Variants in NALF1 observed in about 807,000 individuals in gnomAD.
NALF1 encodes NALCN channel auxiliary factor 1.
A neutral mutation model predicts 48.4 loss-of-function variants in NALF1; 3 were observed. The ratio of observed to expected loss-of-function variants is 0.06; its 90% confidence interval spans 0.03 to 0.16. NALF1 has a LOEUF of 0.16. NALF1 is among the 10% of genes least tolerant of loss of function. The probability of loss-of-function intolerance (pLI) is 1.00; values close to 1 mark genes in which losing one functional copy is unlikely to be tolerated. For missense variants in NALF1, 526 were observed against 571.5 expected (o/e 0.92, Z 0.81); for synonymous variants, 262 against 245.7 (o/e 1.07, Z -0.62).
chr13:107,586,649 T>TTTTTTTTTTTTTTTTTTTTTTTTTTTTTA (rs1878467473), intron 1 of NALF1, among the ~76,000 whole-genome samples: 1 of 146,864 alleles, frequency 6.8e-6, no homozygotes, highest in Non-Finnish European at 1.5e-5. Flanking sequence ...TTTTTTTTTT[T>TTTTTTTTTTTTTTTTTTTTTTTTTTTTTA]GCTAGGAATG....
At chr13:107,313,095 G>GA (rs1396349732) in intron 1 of NALF1, among the ~76,000 whole-genome samples, 2 of 151,952 alleles carry the variant, frequency 1.3e-5, no homozygotes, top group Admixed American at 6.6e-5. Context: ...ATACTTGGAA[G>GA]ATAAAATGGA....
At chr13:107,631,485 A>G (rs1879833553) in intron 1 of NALF1, among the ~76,000 whole-genome samples, 1 of 152,218 alleles carries the variant, frequency 6.6e-6, no homozygotes, top group South Asian at 2.1e-4. Context: ...TCGTTGAATT[A>G]TGAGAAAATT....
intron 1 of NALF1, among the ~76,000 whole-genome samples, chr13:107,717,242 G>A (rs1875849311): frequency 1.3e-5 from 2 of 152,202 alleles, no homozygotes; most frequent in Admixed American, 6.5e-5. Context: ...TTCAGTATTT[G>A]AAGCAGTCTG....
At position 107,494,924 on chromosome 13, in the gene NALF1, T is replaced by C. The variant is rs78330705; in HGVS notation, c.916-284169A>G. ...GTGAAGAACAGAATGTAAAAGCACATATGGAAACTAAGTCTCACGAGTAGA... is the reference window on the plus strand; with the variant it reads ...GTGAAGAACAGAATGTAAAAGCACACATGGAAACTAAGTCTCACGAGTAGA... On this transcript the variant is annotated intron_variant, in intron 1 of 2. Coordinates refer to ENST00000375915, the MANE Select transcript of NALF1 (RefSeq NM_001080396.3). Among the ~76,000 whole-genome samples the C allele has an allele frequency of 9.6e-3, 1,456 of 152,280 alleles. 29 individuals are homozygous for C. The highest frequency in any genetic ancestry group is 0.033 in the African/African-American group (1,382 of 41,568).
chr13:107,281,916 C>T (rs1377890344), intron 1 of NALF1, among the ~76,000 whole-genome samples: 4 of 152,142 alleles, frequency 2.6e-5, no homozygotes, highest in African/African-American at 9.7e-5. Context: ...GGGGAAACCA[C>T]CCCCATGATT....
chr13:107,593,900 ATATT>A (rs1016036033), intron 1 of NALF1, among the ~76,000 whole-genome samples: 1 of 152,062 alleles, frequency 6.6e-6, no homozygotes, highest in East Asian at 1.9e-4. Context: ...CTTTTCAAAT[ATATT>A]TAATCTTCCT....
In NALF1 at chr13:107,299,770, T is replaced by C. The variant is rs186963605; in HGVS notation, c.916-89015A>G. On this transcript the variant is annotated intron_variant, in intron 1 of 2. Transcript: ENST00000375915. ...GTCTTGGATTTTTGTTGTTGTTCCA[T>C]GAATTATAATCCAATTCTGTCATTG... Among the ~76,000 whole-genome samples the C allele has an allele frequency of 2.6e-3, 399 of 152,250 alleles. 2 individuals carry two copies. The highest frequency in any genetic ancestry group is 9.3e-3 in the African/African-American group (387 of 41,532).
intron 1 of NALF1, among the ~76,000 whole-genome samples, chr13:107,429,395 G>A (rs1594058113): frequency 6.6e-6 from 1 of 151,678 alleles, no homozygotes; most frequent in Non-Finnish European, 1.5e-5. Context: ...CCAAATATAA[G>A]TTAATATTAT....
chr13:107,345,006 C>G (rs1882747810), intron 1 of NALF1, among the ~76,000 whole-genome samples: 1 of 151,994 alleles, frequency 6.6e-6, no homozygotes, highest in South Asian at 2.1e-4. Context: ...CAAATGAACT[C>G]TCAGAAATCA....
chr13:107,338,971 A>G lies in NALF1; in HGVS notation c.916-128216T>C, dbSNP rs551918667. 2.8e-3 allele frequency among the ~76,000 whole-genome samples: 432 copies of G among 152,074 alleles called. 4 individuals are homozygous for G. The highest frequency in any genetic ancestry group is 1.0e-2 in the African/African-American group (414 of 41,482). ...CACGGTGAAACCCCGTCTCTACTAA[A>G]AATACAAAAAAAATTAGCCGGGCGT... On this transcript the variant is annotated intron_variant, in intron 1 of 2. Coordinates refer to ENST00000375915, the MANE Select transcript of NALF1 (RefSeq NM_001080396.3).
chr13:107,506,152 C>T (rs1186547389), intron 1 of NALF1, among the ~76,000 whole-genome samples: 1 of 152,004 alleles, frequency 6.6e-6, no homozygotes, highest in Non-Finnish European at 1.5e-5. Flanking sequence ...TATCAAACTT[C>T]AGGAATATTT....
intron 1 of NALF1, among the ~76,000 whole-genome samples, chr13:107,460,349 C>CT (rs1884898267): frequency 6.6e-6 from 1 of 152,212 alleles, no homozygotes; most frequent in Non-Finnish European, 1.5e-5. Flanking sequence ...GTTATCTACT[C>CT]TTTACATAAC....
intron 1 of NALF1, among the ~76,000 whole-genome samples, chr13:107,256,402 G>A (rs560331517): frequency 1.3e-5 from 2 of 152,246 alleles, no homozygotes; most frequent in African/African-American, 4.8e-5. Context: ...ATAGATCAGG[G>A]CTTGACTTAT....
At chr13:107,323,501 T>C (rs1882294688) in intron 1 of NALF1, among the ~76,000 whole-genome samples, 1 of 152,172 alleles carries the variant, frequency 6.6e-6, no homozygotes, top group Non-Finnish European at 1.5e-5. Context: ...TCAAATTTTT[T>C]TTCTCTATTT....
intron 1 of NALF1, among the ~76,000 whole-genome samples, chr13:107,850,554 C>G (rs1880282453): frequency 6.6e-6 from 1 of 152,176 alleles, no homozygotes; most frequent in Admixed American, 6.5e-5. Flanking sequence ...TGGTGATACT[C>G]TAACTCATTT....
Position 107,783,016 on chromosome 13 carries a change from G to T in NALF1, c.915+82666C>A, listed in dbSNP as rs1396574168. On this transcript the variant is annotated intron_variant, in intron 1 of 2. Coordinates refer to ENST00000375915, the MANE Select transcript of NALF1 (RefSeq NM_001080396.3). ...CAGCCGCCCCGTCCGGGAGGGAGGTGGGGGGTCAGCCCCCCGCCCGGCCAG... is the reference window on the plus strand; with the variant it reads ...CAGCCGCCCCGTCCGGGAGGGAGGTTGGGGGTCAGCCCCCCGCCCGGCCAG... Among the ~76,000 whole-genome samples, 7 of 141,984 alleles carry T rather than the reference G, an allele frequency of 4.9e-5. No individual in the cohort carries two copies. In the East Asian group the frequency reaches 1.1e-3, roughly 22 times the overall value. 93.1% of individuals were successfully genotyped at this position (141,984 alleles called of 152,430 possible). A position where few individuals can be genotyped will look rare whatever the true frequency, so the allele number is the denominator to read the frequency against.
At chr13:107,566,544 G>T (rs1232446412) in intron 1 of NALF1, among the ~76,000 whole-genome samples, 1 of 152,148 alleles carries the variant, frequency 6.6e-6, no homozygotes, top group Non-Finnish European at 1.5e-5. Context: ...CAGGTCCAAG[G>T]GCACTAGGCA....
intron 1 of NALF1, among the ~76,000 whole-genome samples, chr13:107,516,100 T>C (rs1876041362): frequency 6.6e-6 from 1 of 152,176 alleles, no homozygotes; most frequent in African/African-American, 2.4e-5. Flanking sequence ...AGGGTTTCAA[T>C]ATTAACTGGA....
At chr13:107,214,882 T>C (rs1854261756) in intron 1 of NALF1, among the ~76,000 whole-genome samples, 2 of 152,218 alleles carry the variant, frequency 1.3e-5, no homozygotes, top group South Asian at 4.1e-4. Context: ...GAGACTTGTT[T>C]GGGAAATGTT....
Sources: gnomAD v4.1 joint callset for allele counts (sites outside exome capture counted in the v4.1 genomes callset) on GRCh38, gnomAD v4.1.1 for gene constraint, MANE v1.5 for transcripts, NCBI Gene and HGNC (gene_info 2026-07-23, HGNC 2026-07-21) for gene names.